Variants in FREM2 observed in about 807,000 individuals in gnomAD.
FREM2 encodes FRAS1-related extracellular matrix protein 2.
FREM2 carries 119 observed loss-of-function variants against 219.9 expected under a neutral mutation model. The ratio of observed to expected loss-of-function variants is 0.54; its 90% CI spans 0.47 to 0.63. FREM2 has a LOEUF of 0.63. Among genes scored for constraint, FREM2 ranks in the 30% least tolerant of loss-of-function variants. FREM2 has a pLI of 0.00. For missense variants in FREM2, 4,030 were observed against 3,993.6 expected, an observed-to-expected ratio of 1.01 and a Z score of -0.25; for synonymous variants, 1,562 against 1,522.8, an observed-to-expected ratio of 1.03 and a Z score of -0.60.
At chr13:38,848,821 A>C (rs1169750510) in intron 8 of FREM2, 151 bp downstream of exon 8, 2 of 726,740 alleles carry the variant, frequency 2.8e-6, no homozygotes. Flanking sequence ...CTTAAATAAC[A>C]GAAATTTATT....
At chr13:38,785,721 C>T (rs1874300501) in intron 6 of FREM2, among the ~76,000 whole-genome samples, 1 of 152,284 alleles carries the variant, frequency 6.6e-6, no homozygotes, top group Admixed American at 6.5e-5. Context: ...ATACTCTGTG[C>T]CAGGCATGGT....
chr13:38,788,662 G>A (rs778374477), intron 6 of FREM2, among the ~76,000 whole-genome samples: 6 of 151,924 alleles, frequency 3.9e-5, no homozygotes, highest in Non-Finnish European at 7.4e-5. Flanking sequence ...AATTCTCAAC[G>A]TCATTTTACA....
intron 3 of FREM2, among the ~76,000 whole-genome samples, chr13:38,766,932 G>A (rs545720069): frequency 1.4e-4 from 21 of 152,232 alleles, no homozygotes; most frequent in African/African-American, 5.1e-4. Context: ...GAACTATGAA[G>A]AAACAATGAT....
At chr13:38,799,314 G>A (rs1874919075) in intron 6 of FREM2, among the ~76,000 whole-genome samples, 1 of 151,706 alleles carries the variant, frequency 6.6e-6, no homozygotes, top group Non-Finnish European at 1.5e-5. Context: ...ATTCCATTAT[G>A]GTCTGAGCAG....
intron 6 of FREM2, among the ~76,000 whole-genome samples, chr13:38,808,923 CA>C (rs1875365039): frequency 6.6e-6 from 1 of 151,722 alleles, no homozygotes; most frequent in South Asian, 2.1e-4. Flanking sequence ...AACAATAAAG[CA>C]AAACACAATA....
chr13:38,844,180 A>G (rs1249418328), intron 6 of FREM2, among the ~76,000 whole-genome samples: 1 of 152,156 alleles, frequency 6.6e-6, no homozygotes, highest in South Asian at 2.1e-4. Flanking sequence ...GGAGATAACA[A>G]TATATTATGC....
In FREM2 at chr13:38,687,245, C is replaced by G; in HGVS notation, c.-100C>G. On this transcript the variant is annotated 5_prime_UTR_variant, in exon 1 of 24. Transcript: ENST00000280481. ...ACAGGAGGACCCCGCGGGCAACGCG[C>G]GGAGTTCCTGGCACTTCCCGGCGGT... The G allele has an allele frequency of 1.3e-6, 2 of 1,493,872 alleles. No individual in the cohort carries two copies. Among genetic ancestry groups the G allele is most frequent in the Non-Finnish European group, 1.8e-6 (2 of 1,098,104 alleles). 92.5% of individuals were successfully genotyped at this position (1,493,872 alleles called of 1,614,324 possible).
At chr13:38,717,879 C>T (rs1221654077) in intron 2 of FREM2, among the ~76,000 whole-genome samples, 1 of 152,124 alleles carries the variant, frequency 6.6e-6, no homozygotes, top group African/African-American at 2.4e-5. Flanking sequence ...GAAAACATTG[C>T]CATTGCCATT....
chr13:38,730,694 C>A (rs1361533016), intron 2 of FREM2, among the ~76,000 whole-genome samples: 1 of 152,176 alleles, frequency 6.6e-6, no homozygotes, highest in East Asian at 1.9e-4. Context: ...GTGTTCACAG[C>A]TTTATTTTTA....
chr13:38,708,905 G>A (rs1298647601), intron 2 of FREM2, among the ~76,000 whole-genome samples: 1 of 152,018 alleles, frequency 6.6e-6, no homozygotes, highest in East Asian at 1.9e-4. Context: ...GATTACAGGT[G>A]CCCGCCATGA....
At chr13:38,692,726 G>A (rs1008704526) in intron 1 of FREM2, among the ~76,000 whole-genome samples, 14 of 152,116 alleles carry the variant, frequency 9.2e-5, no homozygotes, top group Non-Finnish European at 7.4e-5. Flanking sequence ...AGGGAGTACT[G>A]ATGTATTTTG....
chr13:38,807,385 C>A (rs1298569970), intron 6 of FREM2, among the ~76,000 whole-genome samples: 2 of 150,274 alleles, frequency 1.3e-5, no homozygotes, highest in East Asian at 2.1e-4. Context: ...CCACACCCAG[C>A]AAATTACATA....
intron 15 of FREM2, among the ~76,000 whole-genome samples, chr13:38,862,800 A>G (rs893891788): frequency 2.5e-4 from 35 of 139,866 alleles, no homozygotes; most frequent in African/African-American, 7.9e-4. Flanking sequence ...ATGTTTGGGG[A>G]AAAAAAAAGA....
intron 16 of FREM2, among the ~76,000 whole-genome samples, chr13:38,871,830 A>G (rs1401502806): frequency 6.6e-6 from 1 of 152,182 alleles, no homozygotes; most frequent in Non-Finnish European, 1.5e-5. Context: ...ATATTAGTTT[A>G]TCCTCCACTA....
At chr13:38,760,771 G>A (rs1873196862) in intron 2 of FREM2, among the ~76,000 whole-genome samples, 3 of 151,980 alleles carry the variant, frequency 2.0e-5, no homozygotes, top group Admixed American at 2.0e-4. Context: ...CTAACAATAA[G>A]TTAAATGAGC....
intron 2 of FREM2, among the ~76,000 whole-genome samples, chr13:38,747,393 A>ATGTGTGTGTG (rs1491337077): frequency 2.6e-4 from 15 of 56,836 alleles, no homozygotes; most frequent in African/African-American, 9.7e-4. Flanking sequence ...AGCTGATATA[A>ATGTGTGTGTG]TATGTGTGTG....
intron 2 of FREM2, among the ~76,000 whole-genome samples, chr13:38,699,763 C>T (rs144708440): frequency 2.1e-3 from 319 of 152,200 alleles, no homozygotes; most frequent in African/African-American, 7.3e-3. Context: ...TAAAAAGTCA[C>T]ATTGGTATCC....
intron 2 of FREM2, among the ~76,000 whole-genome samples, chr13:38,739,367 A>G (rs1270040649): frequency 6.6e-6 from 1 of 152,226 alleles, no homozygotes; most frequent in Non-Finnish European, 1.5e-5. Flanking sequence ...TGGCATACCA[A>G]TAAAGTGTAA....
chr13:38,760,990 A>C (rs1873205353), intron 2 of FREM2, among the ~76,000 whole-genome samples: 1 of 152,196 alleles, frequency 6.6e-6, no homozygotes, highest in Admixed American at 6.6e-5. Context: ...AATATTCTTA[A>C]AATGTGCCAT....
Sources: allele counts gnomAD v4.1 joint callset (sites outside exome capture counted in the v4.1 genomes callset), GRCh38; gene constraint gnomAD v4.1.1; transcripts MANE v1.5; gene names NCBI Gene and HGNC (gene_info 2026-07-23, HGNC 2026-07-21).